Variants in SHPRH observed in about 807,000 individuals in gnomAD.
SHPRH encodes the protein SNF2 histone linker PHD RING helicase, also known as E3 ubiquitin-protein ligase SHPRH.
In SHPRH, 106 loss-of-function variants were observed where a neutral mutation model predicts 202.5. That is an observed-to-expected ratio of 0.52 (90% confidence interval 0.45 to 0.62). The LOEUF is 0.62. Ranked by LOEUF, SHPRH falls within the 20% of genes least tolerant of loss-of-function variation. SHPRH has a pLI of 0.00. For synonymous variants in SHPRH, 729 were observed against 686.0 expected (o/e 1.06, Z -0.98); for missense variants, 1,710 against 2,020.0 (o/e 0.85, Z 2.94).
intron 26 of SHPRH, 86 bp downstream of exon 26, chr6:145,894,799 C>T: frequency 8.8e-7 from 1 of 1,138,112 alleles, no homozygotes; most frequent in Non-Finnish European, 1.3e-6. Context: ...TAAGAGTAAA[C>T]ATCAAAAATT....
chr6:145,944,718 CTTTA>C (rs1787177630), intron 8 of SHPRH, among the ~76,000 whole-genome samples: 2 of 152,024 alleles, frequency 1.3e-5, no homozygotes, highest in Admixed American at 6.6e-5. Context: ...TGTCATTAAT[CTTTA>C]TTTATGATTG....
At chr6:145,864,101 A>G (rs73576150), downstream of SHPRH, 2,279 of 161,080 alleles carry the variant, frequency 0.014, 47 homozygotes, top group African/African-American at 0.051. Context: ...TTATTATTTC[A>G]TCTTGTTGAC....
chr6:145,951,132 G>A (rs967182063), intron 3 of SHPRH, among the ~76,000 whole-genome samples: 52 of 152,118 alleles, frequency 3.4e-4, no homozygotes, highest in African/African-American at 1.2e-3. Context: ...AAAACACTAA[G>A]TTCACTTGGT....
At position 145,894,220 on chromosome 6, in the gene SHPRH, T is replaced by C. The variant is rs753314407; in HGVS notation, c.4625A>G (p.Asp1542Gly). 1.2e-6 allele frequency: 2 copies of C among 1,601,636 alleles called. No homozygotes were observed. Among genetic ancestry groups the C allele is most frequent in the Non-Finnish European group, 1.7e-6 (2 of 1,174,966 alleles). ...GTCAGTAAGAGCTTTTGAAATAATATCTAATACATCTTGCCACTAGAACAC... is the reference window on the plus strand; with the variant it reads ...GTCAGTAAGAGCTTTTGAAATAATACCTAATACATCTTGCCACTAGAACAC... ...LVFSTWQDVL[D>G]IISKALTDNN... is the part of the protein sequence containing the mutation. The change falls in exon 27 of 30, where the codon GAT becomes GGT. Residue 1542 changes from aspartate to glycine, a missense_variant. Transcript: ENST00000275233.
rs1344962001 is a variant in SHPRH, at chr6:145,935,169, A to C, written c.2734-6T>G. On this transcript the variant is annotated splice_polypyrimidine_tract_variant and splice_region_variant and intron_variant, in intron 12 of 29. Coordinates refer to ENST00000275233, the MANE Select transcript of SHPRH (RefSeq NM_001042683.3). ...GTTTGTGGTGGTATTTGGATCTGTG[A>C]AAAGGAGCAGAAAAAAAAAAAAAGA... 3 of 1,603,832 alleles carry C rather than the reference A, an allele frequency of 1.9e-6. No homozygotes were observed.
At chr6:145,927,317 A>G (rs1312014243) in intron 14 of SHPRH, 40 bp from the exon 15 acceptor site, 3 of 1,542,884 alleles carry the variant, frequency 1.9e-6, no homozygotes, top group East Asian at 2.3e-5. Flanking sequence ...CGAGAGTCAC[A>G]TATTTAGTTC....
At chr6:145,957,924 A>G (rs1788674847) in intron 1 of SHPRH, among the ~76,000 whole-genome samples, 1 of 152,230 alleles carries the variant, frequency 6.6e-6, no homozygotes, top group Non-Finnish European at 1.5e-5. Context: ...AGAAAACCCA[A>G]ATGTCCATCA....
At chr6:145,915,337 G>A (rs1783857247) in intron 23 of SHPRH, among the ~76,000 whole-genome samples, 1 of 151,332 alleles carries the variant, frequency 6.6e-6, no homozygotes, top group South Asian at 2.1e-4. Context: ...CTTTTAAATA[G>A]TCAATATCCT....
At position 145,933,057 on chromosome 6, in the gene SHPRH, C is replaced by T; in HGVS notation, c.3112G>A (p.Gly1038Ser). 6.2e-7 allele frequency: 1 copy of T among 1,613,466 alleles called. No homozygotes were observed. The highest frequency in any genetic ancestry group is 8.5e-7 in the Non-Finnish European group (1 of 1,179,680). Residue 1038 changes from glycine (G) to serine (S), a missense_variant and splice_region_variant, in exon 14 of 30, where the codon GGT becomes AGT. Physicochemically the swap from Gly to Ser is moderately conservative, Grantham distance 56. Around this residue, in one of 8 missense-constraint regions of SHPRH, gnomAD observed 288 missense variants for 317.8 expected, o/e 0.91. Transcript: ENST00000275233. ...NGLAGIHIIK[G>S]EYALAAELYR... ...CAGAGATAAAGCAATCACCTTCTAC[C>T]TTTAATAATATGAATGCCTGCTAAG...
intron 21 of SHPRH, among the ~76,000 whole-genome samples, chr6:145,919,771 CTTG>C (rs1459726603): frequency 1.3e-5 from 2 of 152,084 alleles, no homozygotes; most frequent in Non-Finnish European, 2.9e-5. Context: ...GACAGAATCT[CTTG>C]TTTTATTTTT....
At chr6:145,898,944 TGGGAC>T (rs1782251321) in intron 25 of SHPRH, among the ~76,000 whole-genome samples, 1 of 152,114 alleles carries the variant, frequency 6.6e-6, no homozygotes, top group South Asian at 2.1e-4. Context: ...CCCGAGTAGC[TGGGAC>T]TACAGGTGTG....
chr6:145,922,517 T>C, intron 19 of SHPRH, 146 bp downstream of exon 19: 1 of 1,256,280 alleles, frequency 8.0e-7, no homozygotes, highest in South Asian at 1.6e-5. Context: ...TTTATTTTTC[T>C]TTAAATTAGA....
At chr6:145,920,007 T>C (rs966851921) in intron 21 of SHPRH, among the ~76,000 whole-genome samples, 1 of 152,112 alleles carries the variant, frequency 6.6e-6, no homozygotes, top group Admixed American at 6.6e-5. Context: ...GAATTGTACT[T>C]ATCCTGCTAC....
chr6:145,869,824 T>C (rs9497422), intron 2 of SHPRH, among the ~76,000 whole-genome samples: 5,782 of 151,214 alleles, frequency 0.038, 384 homozygotes, highest in African/African-American at 0.13. Context: ...CTTTTCTTTT[T>C]TTTTTTTTTG....
chr6:145,861,976 G>A (rs750870576), downstream of SHPRH, among the ~76,000 whole-genome samples: 1 of 152,198 alleles, frequency 6.6e-6, no homozygotes, highest in Non-Finnish European at 1.5e-5. Context: ...TAGCAGCAGA[G>A]AGTAGAATGG....
chr6:145,923,822 T>A, intron 17 of SHPRH, 37 bp from the exon 18 acceptor site: 1 of 1,593,644 alleles, frequency 6.3e-7, no homozygotes, highest in Non-Finnish European at 8.6e-7. Flanking sequence ...TTAATACATT[T>A]TTTTTAGTAC....
intron 13 of SHPRH, among the ~76,000 whole-genome samples, chr6:145,934,662 C>T (rs946567546): frequency 2.0e-5 from 3 of 149,166 alleles, no homozygotes; most frequent in African/African-American, 4.9e-5. Flanking sequence ...GACCCCGTCT[C>T]AAAACAAAAA....
At position 145,893,258 on chromosome 6, in the gene SHPRH, C is replaced by A; in HGVS notation, c.4831G>T (p.Glu1611Ter). ...LVEPILNPAH[E>*]LQAIGRVHRI... is the part of the protein sequence containing the mutation. The stretch of plus-strand genomic sequence containing the variant: ...TGCACCCTCCCTATGGCCTGAAGCT[C>A]ATGGGCAGGGTTCAATATGGGCTCC... The change falls in exon 28 of 30, where the codon GAG becomes TAG. Residue 1611 changes from glutamate (E) to a stop codon, truncating the protein, a stop_gained. Transcript: ENST00000275233. LOFTEE classifies it high-confidence loss of function. The A allele has an allele frequency of 6.3e-7, 1 of 1,596,836 alleles. No individual in the cohort carries two copies. The highest frequency in any genetic ancestry group is 8.5e-7 in the Non-Finnish European group (1 of 1,173,360).
intron 25 of SHPRH, among the ~76,000 whole-genome samples, chr6:145,902,511 T>A (rs906866353): frequency 2.6e-5 from 4 of 152,100 alleles, no homozygotes; most frequent in African/African-American, 7.2e-5. Flanking sequence ...AAAATTCTTC[T>A]AATAAACCAA....
Sources: gnomAD v4.1 joint callset for allele counts (sites outside exome capture counted in the v4.1 genomes callset) on GRCh38, gnomAD v4.1.1 for gene constraint, gnomAD v4.1.1 regional missense constraint, MANE v1.5 for transcripts, NCBI Gene and HGNC (gene_info 2026-07-23, HGNC 2026-07-21) for gene names.